The following DEFB1 variants were observed in gnomAD, a reference collection of about 807,000 sequenced individuals.
DEFB1 encodes the protein beta-defensin 1.
Under a neutral mutation model 2.6 loss-of-function variants are expected in DEFB1, and 4 were observed. The observed-to-expected ratio is 1.53, with a 90% CI of 0.76 to 3.51. The LOEUF (loss-of-function observed/expected upper bound fraction) is 3.51. Among genes scored for constraint, DEFB1 ranks in the 30% most tolerant of loss-of-function variants. The pLI, the probability that DEFB1 is intolerant of heterozygous loss-of-function variation, is 0.01. For synonymous variants in DEFB1, 56 were observed against 28.5 expected (o/e 1.96, Z -3.07); for missense variants, 162 against 76.9 (o/e 2.11, Z -4.14).
At chr8:6,871,976 G>A (rs910594831) in intron 1 of DEFB1, among the ~76,000 whole-genome samples, 2 of 152,204 alleles carry the variant, frequency 1.3e-5, no homozygotes, top group African/African-American at 4.8e-5. Context: ...TCATGTTGCA[G>A]ATCTCTGTTG....
chr8:6,872,975 A>T (rs1166284182), intron 1 of DEFB1, among the ~76,000 whole-genome samples: 2 of 152,242 alleles, frequency 1.3e-5, no homozygotes, highest in Middle Eastern at 3.2e-3. Context: ...AGAGAGATCA[A>T]CTGAGCATAT....
chr8:6,877,486 C>G (rs529500164), intron 1 of DEFB1, among the ~76,000 whole-genome samples: 144 of 152,328 alleles, frequency 9.5e-4, no homozygotes, highest in Non-Finnish European at 1.7e-3. Flanking sequence ...TGTGAGGAGT[C>G]GTCTTGCAGG....
chr8:6,872,730 CT>C (rs947373297), intron 1 of DEFB1, among the ~76,000 whole-genome samples: 1 of 152,182 alleles, frequency 6.6e-6, no homozygotes, highest in African/African-American at 2.4e-5. Context: ...AGCTTATATT[CT>C]TTTTCTCTGA....
chr8:6,870,694 T>C lies in DEFB1; in HGVS notation c.194A>G (p.Lys65Arg), dbSNP rs201508504. 11 of 1,614,120 alleles carry C rather than the reference T, an allele frequency of 6.8e-6. No individual in the cohort carries two copies. The Admixed American group carries it at 1.7e-4, about 24-fold the overall frequency. The change falls in exon 2 of 2, where the codon AAG (lysine) becomes AGG (arginine). Residue 65 changes from lysine (K) to arginine (R), a missense_variant. Physicochemically the swap from Lys to Arg is conservative, Grantham distance 26. Coordinates refer to ENST00000297439, the MANE Select transcript of DEFB1 (RefSeq NM_005218.4). ...IQGTCYRGKA[K>R]CCK ...GTCACTCCCAGCTCACTTGCAGCACTTGGCCTTCCCTCTGTAACAGGTGCC... is the reference window on the plus strand; with the variant it reads ...GTCACTCCCAGCTCACTTGCAGCACCTGGCCTTCCCTCTGTAACAGGTGCC...
chr8:6,877,356 G>C (rs1275160923), intron 1 of DEFB1, among the ~76,000 whole-genome samples: 1 of 152,228 alleles, frequency 6.6e-6, no homozygotes, highest in East Asian at 1.9e-4. Flanking sequence ...GGCTGAGCTG[G>C]CCTGATGGGT....
intron 1 of DEFB1, among the ~76,000 whole-genome samples, chr8:6,874,253 T>A (rs1026695101): frequency 6.6e-6 from 1 of 151,980 alleles, no homozygotes; most frequent in African/African-American, 2.4e-5. Flanking sequence ...GAACATCACA[T>A]CCTACTAACA....
intron 1 of DEFB1, 54 bp downstream of exon 1, chr8:6,877,743 C>T (rs1806585392): frequency 4.7e-6 from 7 of 1,497,108 alleles, no homozygotes; most frequent in Non-Finnish European, 4.7e-6. Context: ...CTCACATCAG[C>T]CCCATTGTCC....
chr8:6,871,526 C>T (rs1204808223), intron 1 of DEFB1, among the ~76,000 whole-genome samples: 1 of 152,172 alleles, frequency 6.6e-6, no homozygotes, highest in African/African-American at 2.4e-5. Context: ...CAAGTCTCCA[C>T]TGGTAGGCGT....
At position 6,870,709 on chromosome 8, in the gene DEFB1, T is replaced by C. The variant is rs777084225; in HGVS notation, c.179A>G (p.Tyr60Cys). The C allele has an allele frequency of 5.0e-6, 8 of 1,614,244 alleles. No individual in the cohort carries two copies. The South Asian group carries it at 7.7e-5, about 16-fold the overall frequency. Reference protein sequence around the residue: ...PIFTKIQGTCYRGKAKCCK With the variant: ...PIFTKIQGTCCRGKAKCCK ...CTTGCAGCACTTGGCCTTCCCTCTG[T>C]AACAGGTGCCTTGAATTTTGGTAAA... Residue 60 changes from tyrosine to cysteine, a missense_variant, in exon 2 of 2, where the codon TAC (tyrosine) becomes TGC (cysteine). Tyr to Cys is a radical substitution (Grantham distance 194, BLOSUM62 -2). Coordinates refer to ENST00000297439, the MANE Select transcript of DEFB1 (RefSeq NM_005218.4).
chr8:6,872,540 G>A (rs1337266425), intron 1 of DEFB1, among the ~76,000 whole-genome samples: 2 of 152,142 alleles, frequency 1.3e-5, no homozygotes, highest in African/African-American at 2.4e-5. Context: ...GAATGAAGAG[G>A]TTTGGGAAGG....
At chr8:6,876,174 C>T (rs1476034388) in intron 1 of DEFB1, among the ~76,000 whole-genome samples, 1 of 152,110 alleles carries the variant, frequency 6.6e-6, no homozygotes, top group Non-Finnish European at 1.5e-5. Context: ...GTAATATTTT[C>T]TATTCCTTTA....
intron 1 of DEFB1, among the ~76,000 whole-genome samples, 160 bp from the exon 2 acceptor site, chr8:6,870,986 G>C (rs755227095): frequency 3.3e-5 from 5 of 152,240 alleles, no homozygotes; most frequent in Non-Finnish European, 7.3e-5. Context: ...CATGAAATGA[G>C]GTGTCTGAAC....
intron 1 of DEFB1, among the ~76,000 whole-genome samples, chr8:6,871,999 T>G (rs1449275498): frequency 6.6e-6 from 1 of 152,204 alleles, no homozygotes; most frequent in Non-Finnish European, 1.5e-5. Context: ...AAGATGGCTT[T>G]CACACCGATG....
chr8:6,875,706 C>G (rs551249093), intron 1 of DEFB1, among the ~76,000 whole-genome samples: 12 of 152,270 alleles, frequency 7.9e-5, no homozygotes, highest in African/African-American at 2.9e-4. Context: ...AACAGTTTGG[C>G]ATTGTCCAAT....
rs759177517 is a variant in DEFB1 at position 6,877,843 on chromosome 8, G to C, written c.15C>G (p.Tyr5Ter). 1.8e-4 allele frequency: 286 copies of C among 1,613,926 alleles called. 1 individual carries two copies. In the Admixed American group the frequency reaches 4.6e-3, roughly 26 times the overall value. MRTS[Y>*]LLLFTLCLLL... Reference sequence around the variant, plus strand: ...GTAAGCAGAGAGTAAACAGCAGAAGGTAGGAAGTTCTCATGGCGACTGGCA... The same window carrying C: ...GTAAGCAGAGAGTAAACAGCAGAAGCTAGGAAGTTCTCATGGCGACTGGCA... Residue 5 changes from tyrosine to a stop codon, truncating the protein, a stop_gained, in exon 1 of 2, where the codon TAC becomes TAG. Coordinates refer to ENST00000297439, the MANE Select transcript of DEFB1 (RefSeq NM_005218.4). LOFTEE classifies it low-confidence loss of function (END_TRUNC).
intron 1 of DEFB1, among the ~76,000 whole-genome samples, chr8:6,874,948 C>G (rs942587124): frequency 4.6e-5 from 7 of 150,922 alleles, no homozygotes; most frequent in Non-Finnish European, 8.8e-5. Flanking sequence ...TGCCACTGCA[C>G]TACAGCCTGG....
chr8:6,874,731 C>A lies in DEFB1; in HGVS notation c.61+3066G>T, dbSNP rs963587250. 2.0e-5 allele frequency among the ~76,000 whole-genome samples: 3 copies of A among 152,152 alleles called. No homozygotes were observed. The East Asian group carries it at 5.8e-4, about 29-fold the overall frequency. ...GCATGGTGGCTCATGGCTGTAATCC[C>A]AGCACTTTGTGAGGCAGAGGCAGGC... On this transcript the variant is annotated intron_variant, in intron 1 of 1. Coordinates refer to ENST00000297439, the MANE Select transcript of DEFB1 (RefSeq NM_005218.4).
intron 1 of DEFB1, among the ~76,000 whole-genome samples, chr8:6,876,041 G>C (rs1405324209): frequency 6.6e-6 from 1 of 152,150 alleles, no homozygotes; most frequent in East Asian, 1.9e-4. Context: ...ACCCTTTTGA[G>C]TTTGGACTGA....
At chr8:6,877,704 C>T (rs1806583657) in intron 1 of DEFB1, 93 bp downstream of exon 1, 1 of 1,159,264 alleles carries the variant, frequency 8.6e-7, no homozygotes, top group South Asian at 1.3e-5. Flanking sequence ...GTTCCTCGTC[C>T]CTTGGGACAC....
Sources: gnomAD v4.1 joint callset for allele counts (sites outside exome capture counted in the v4.1 genomes callset) on GRCh38, gnomAD v4.1.1 for gene constraint, MANE v1.5 for transcripts, NCBI Gene and HGNC (gene_info 2026-07-23, HGNC 2026-07-21) for gene names.